Variants in PDXDC1 observed in about 807,000 individuals in gnomAD.
PDXDC1 encodes the protein pyridoxal-dependent decarboxylase domain-containing protein 1.
Under a neutral mutation model 100.1 loss-of-function variants are expected in PDXDC1, and 42 were observed. The ratio of observed to expected loss-of-function variants is 0.42; its 90% confidence interval spans 0.33 to 0.54. The LOEUF is 0.54. PDXDC1 is among the 20% of genes least tolerant of loss of function. The pLI is 0.10. For missense variants in PDXDC1, 636 were observed against 979.2 expected (o/e 0.65, Z 4.68); for synonymous variants, 260 against 371.7 (o/e 0.70, Z 3.46).
chr16:15,117,680 G>A (rs1406821284), intron 16 of PDXDC1, among the ~76,000 whole-genome samples: 8 of 114,274 alleles, frequency 7.0e-5, no homozygotes, highest in African/African-American at 2.4e-4. Context: ...GCAACAGAGG[G>A]AGACTCGTCT....
At chr16:15,063,516 G>A (rs924261395) in intron 16 of PDXDC1, among the ~76,000 whole-genome samples, 2 of 151,880 alleles carry the variant, frequency 1.3e-5, no homozygotes, top group African/African-American at 4.8e-5. Flanking sequence ...AGACCATCCT[G>A]GCTAACACGG....
At chr16:15,074,762 A>G (rs1341494017) in intron 16 of PDXDC1, 4 of 1,614,062 alleles carry the variant, frequency 2.5e-6, no homozygotes, top group Non-Finnish European at 3.4e-6. Context: ...GACAAAACCA[A>G]AGACATCAGG....
intron 12 of PDXDC1, 130 bp from the exon 13 acceptor site, chr16:15,022,574 T>G: frequency 1.4e-6 from 1 of 720,094 alleles, no homozygotes; most frequent in Non-Finnish European, 2.2e-6. Flanking sequence ...TGGCTGAACT[T>G]AGAAACCACC....
intron 16 of PDXDC1, among the ~76,000 whole-genome samples, chr16:15,043,969 A>G (rs1221695706): frequency 6.6e-6 from 1 of 152,168 alleles, no homozygotes; most frequent in African/African-American, 2.4e-5. Flanking sequence ...AAAAAAGAAA[A>G]AATTTGCTAA....
At chr16:15,142,883 G>A (rs1300795183), downstream of PDXDC1, among the ~76,000 whole-genome samples, 4 of 152,016 alleles carry the variant, frequency 2.6e-5, no homozygotes, top group Non-Finnish European at 5.9e-5. Flanking sequence ...ACCACCGAGC[G>A]GCCCTAAGCC....
intron 14 of PDXDC1, among the ~76,000 whole-genome samples, chr16:15,027,616 C>T (rs1453234704): frequency 6.6e-6 from 1 of 152,298 alleles, no homozygotes; most frequent in Admixed American, 6.5e-5. Context: ...ACAGATTTCC[C>T]TTGGAGTTGG....
intron 8 of PDXDC1, 113 bp from the exon 9 acceptor site, chr16:15,016,016 G>T (rs1272796602): frequency 6.6e-7 from 1 of 1,506,072 alleles, no homozygotes; most frequent in Non-Finnish European, 8.9e-7. Context: ...CAATAAAATA[G>T]GGATATAATA....
chr16:15,082,901 T>C (rs2045763938), intron 16 of PDXDC1, among the ~76,000 whole-genome samples: 1 of 152,224 alleles, frequency 6.6e-6, no homozygotes, highest in African/African-American at 2.4e-5. Flanking sequence ...CAATTAGTAA[T>C]ACATGAACTA....
chr16:15,062,637 G>C (rs1490543316), intron 16 of PDXDC1, among the ~76,000 whole-genome samples: 2 of 152,136 alleles, frequency 1.3e-5, no homozygotes, highest in East Asian at 3.8e-4. Context: ...TAAACTGCTG[G>C]GGCAATTTCA....
At chr16:15,140,198 A>G (rs1358748346), downstream of PDXDC1, among the ~76,000 whole-genome samples, 2 of 151,334 alleles carry the variant, frequency 1.3e-5, no homozygotes, top group African/African-American at 4.9e-5. Context: ...TAATCCCAGC[A>G]CTTTGGGAGG....
At chr16:15,110,187 A>C (rs570641823) in intron 16 of PDXDC1, among the ~76,000 whole-genome samples, 1 of 150,020 alleles carries the variant, frequency 6.7e-6, no homozygotes, top group African/African-American at 2.4e-5. Flanking sequence ...AGGAAAACCA[A>C]TGCCAGTACT....
intron 12 of PDXDC1, among the ~76,000 whole-genome samples, chr16:15,020,991 C>A (rs2042157467): frequency 6.6e-6 from 1 of 152,050 alleles, no homozygotes; most frequent in South Asian, 2.1e-4. Flanking sequence ...CACACACACA[C>A]ACACACACAC....
chr16:15,140,115 A>AAAAG (rs2048443625), downstream of PDXDC1, among the ~76,000 whole-genome samples: 1 of 148,344 alleles, frequency 6.7e-6, no homozygotes, highest in African/African-American at 2.5e-5. Flanking sequence ...AAAAAAAAAA[A>AAAAG]AAAGAAAAGA....
chr16:15,142,660 C>G (rs2048493031), downstream of PDXDC1, among the ~76,000 whole-genome samples: 1 of 152,184 alleles, frequency 6.6e-6, no homozygotes, highest in African/African-American at 2.4e-5. Flanking sequence ...TGCTCCCGTA[C>G]TTTTCCACGT....
intron 13 of PDXDC1, chr16:15,026,395 TAATTTC>T (rs1463876999): frequency 1.9e-6 from 1 of 535,466 alleles, no homozygotes; most frequent in Non-Finnish European, 3.2e-6. Flanking sequence ...CCCCCTGCTT[TAATTTC>T]AATGTACCAG....
downstream of PDXDC1, chr16:15,039,834 T>C (rs1441900565): frequency 4.6e-6 from 3 of 654,782 alleles, no homozygotes; most frequent in Non-Finnish European, 8.2e-6. Context: ...GGTATATGTA[T>C]GTGCTGGTCC....
intron 8 of PDXDC1, among the ~76,000 whole-genome samples, chr16:15,011,178 C>G (rs1427586278): frequency 1.3e-5 from 2 of 152,294 alleles, no homozygotes; most frequent in African/African-American, 2.4e-5. Flanking sequence ...TACTTCAAGA[C>G]TTCTGTAAAG....
At chr16:15,132,859 C>T (rs2048172542) in intron 16 of PDXDC1, 14 of 1,588,862 alleles carry the variant, frequency 8.8e-6, no homozygotes, top group Non-Finnish European at 1.2e-5. Flanking sequence ...CCGCCACGTC[C>T]AGGGCCCGCT....
intron 16 of PDXDC1, among the ~76,000 whole-genome samples, chr16:15,053,868 T>C (rs7405130): frequency 0.78 from 118,046 of 152,146 alleles, 46,951 homozygotes; most frequent in Admixed American, 0.87. Context: ...GCCGAGATTG[T>C]GCCACAGCAA....
Sources: allele counts gnomAD v4.1 joint callset (sites outside exome capture counted in the v4.1 genomes callset), GRCh38; gene constraint gnomAD v4.1.1; transcripts MANE v1.5; gene names NCBI Gene and HGNC (gene_info 2026-07-23, HGNC 2026-07-21).